Variants in ARVCF observed in about 807,000 individuals in gnomAD.
The protein encoded by ARVCF is ARVCF delta catenin family member.
Under a neutral mutation model 90.9 loss-of-function variants are expected in ARVCF, and 66 were observed. That is an observed-to-expected ratio of 0.73 (90% CI 0.60 to 0.89). ARVCF has a LOEUF of 0.89. ARVCF is among the 40% of genes least tolerant of loss of function. The pLI is 0.00. For missense variants in ARVCF, 1,469 were observed against 1,382.3 expected, an observed-to-expected ratio of 1.06 and a Z score of -1.00; for synonymous variants, 653 against 603.4, an observed-to-expected ratio of 1.08 and a Z score of -1.21.
chr22:19,987,298 G>T (rs554802388), intron 3 of ARVCF: 90 of 264,384 alleles, frequency 3.4e-4, no homozygotes, highest in African/African-American at 2.0e-3. Flanking sequence ...GGCGTGGCGG[G>T]CGGGGGGCGG....
Position 19,979,007 on chromosome 22 carries a change from G to C in ARVCF, c.1470C>G (p.Thr490=). Residue 490 remains threonine (T), a synonymous_variant, in exon 7 of 20, where the codon ACC becomes ACG. Transcript: ENST00000263207. ...VIIDHGLQTL[T]HEVIVPHSGW... ...CTGAGTGGGGCACGATCACCTCGTG[G>C]GTCAGCGTCTGCAGGCCATGGTCAA... 6.2e-7 allele frequency: 1 copy of C among 1,613,382 alleles called. No individual in the cohort carries two copies. The highest frequency in any genetic ancestry group is 8.5e-7 in the Non-Finnish European group (1 of 1,179,936).
chr22:19,999,978 C>T (rs896491371), intron 2 of ARVCF, among the ~76,000 whole-genome samples: 8 of 152,308 alleles, frequency 5.3e-5, no homozygotes, highest in Admixed American at 3.3e-4. Context: ...AGGGGCAGAA[C>T]GAGGACCCAG....
At chr22:19,992,174 C>T (rs1291383815) in intron 2 of ARVCF, among the ~76,000 whole-genome samples, 2 of 152,236 alleles carry the variant, frequency 1.3e-5, no homozygotes, top group African/African-American at 4.8e-5. Context: ...GCTGGGAAAA[C>T]AGGCCCAGCA....
chr22:19,973,341 G>A, intron 13 of ARVCF, 24 bp from the exon 14 acceptor site: 1 of 1,568,338 alleles, frequency 6.4e-7, no homozygotes, highest in Non-Finnish European at 8.6e-7. Flanking sequence ...CTAGGTGTCA[G>A]AACACACCTC....
chr22:19,982,474 G>A (rs570915478), intron 3 of ARVCF, among the ~76,000 whole-genome samples: 1 of 152,242 alleles, frequency 6.6e-6, no homozygotes, highest in South Asian at 2.1e-4. Context: ...CCCAGGAGGT[G>A]CCAGTGAGAC....
chr22:20,011,497 C>T (rs1012929415), intron 1 of ARVCF, among the ~76,000 whole-genome samples: 2 of 152,084 alleles, frequency 1.3e-5, no homozygotes, highest in African/African-American at 2.4e-5. Flanking sequence ...CCCCGTCTCA[C>T]GACAGCCTCT....
chr22:19,989,496 GA>G (rs1569177455), intron 3 of ARVCF, among the ~76,000 whole-genome samples: 1 of 152,166 alleles, frequency 6.6e-6, no homozygotes, highest in African/African-American at 2.4e-5. Context: ...CAGGTGAGGA[GA>G]GCCCATGGGG....
At chr22:19,978,511 G>T (rs947293820) in intron 7 of ARVCF, among the ~76,000 whole-genome samples, 1 of 152,176 alleles carries the variant, frequency 6.6e-6, no homozygotes, top group South Asian at 2.1e-4. Context: ...GGGGACCCAG[G>T]ACTCTGTGGG....
chr22:19,972,722 A>C lies in ARVCF; in HGVS notation c.2641+15T>G. The C allele has an allele frequency of 1.3e-6, 2 of 1,598,862 alleles. No individual in the cohort carries two copies. The highest frequency in any genetic ancestry group is 1.7e-6 in the Non-Finnish European group (2 of 1,172,916). On this transcript the variant is annotated intron_variant, in intron 16 of 19. Transcript: ENST00000263207. ...GGGTCGCCACCCTCTAGGCTCCCTA[A>C]GCTCCACCACTCACCAAGGCTCTTG...
At chr22:20,002,732 C>T (rs1944488937) in intron 2 of ARVCF, among the ~76,000 whole-genome samples, 1 of 152,186 alleles carries the variant, frequency 6.6e-6, no homozygotes, top group South Asian at 2.1e-4. Flanking sequence ...GCCACCACCA[C>T]AAGTTTGTGA....
chr22:19,975,712 A>G lies in ARVCF; in HGVS notation c.1934T>C (p.Leu645Pro), dbSNP rs1360993836. 39 of 1,613,524 alleles carry G rather than the reference A, an allele frequency of 2.4e-5. No individual in the cohort carries two copies. Among genetic ancestry groups the G allele is most frequent in the Admixed American group, 3.3e-5 (2 of 59,992 alleles). ...TTTGGCGGCCTCAGTTCGCTTGGGC[A>G]GGTCTAGCGTGTCAAAGTTCCGGTC... ...EMDRNFDTLD[L>P]PKRTEAAKGF... Residue 645 changes from leucine (L) to proline (P), a missense_variant, in exon 11 of 20, where the codon CTG (leucine) becomes CCG (proline). Coordinates refer to ENST00000263207, the MANE Select transcript of ARVCF (RefSeq NM_001670.3).
intron 3 of ARVCF, among the ~76,000 whole-genome samples, chr22:19,983,113 C>A (rs190863849): frequency 3.5e-4 from 54 of 152,362 alleles, no homozygotes; most frequent in Non-Finnish European, 7.1e-4. Context: ...GGCCCCAGGG[C>A]CACATGGCAC....
At chr22:19,972,452 AG>A in intron 16 of ARVCF, 41 bp from the exon 17 acceptor site, 2 of 1,609,658 alleles carry the variant, frequency 1.2e-6, no homozygotes, top group Non-Finnish European at 1.7e-6. Context: ...TGTGGCAGCC[AG>A]GGGGGATCGG....
chr22:19,972,479 A>C, intron 16 of ARVCF, 68 bp from the exon 17 acceptor site: 1 of 1,592,468 alleles, frequency 6.3e-7, no homozygotes, highest in Non-Finnish European at 8.6e-7. Flanking sequence ...AGAAGCCCAC[A>C]CAGGGCTGGC....
At chr22:19,967,251 G>A (rs762949433), downstream of ARVCF, 158 of 1,290,788 alleles carry the variant, frequency 1.2e-4, no homozygotes, top group Non-Finnish European at 1.4e-4. Context: ...GGCGCAACCC[G>A]AGAAGTCCAG....
intron 2 of ARVCF, among the ~76,000 whole-genome samples, chr22:20,006,659 G>A (rs1331930796): frequency 6.7e-6 from 1 of 150,312 alleles, no homozygotes; most frequent in Non-Finnish European, 1.5e-5. Context: ...TTGAGACGGA[G>A]TCTTGCCCTG....
rs757434673 is a variant in ARVCF, at chr22:19,973,105, C to T, written c.2438+14G>A. On this transcript the variant is annotated intron_variant, in intron 14 of 19. Transcript: ENST00000263207. The stretch of plus-strand genomic sequence containing the variant: ...TCCGCGGCTCCCCAAGCCACCGACC[C>T]CGCCCCTCCACACCTGGAGGCCACG... 9.4e-6 allele frequency: 15 copies of T among 1,602,210 alleles called. No individual in the cohort carries two copies. The highest frequency in any genetic ancestry group is 1.3e-5 in the African/African-American group (1 of 74,462).
At chr22:19,988,907 C>A (rs992333920) in intron 3 of ARVCF, among the ~76,000 whole-genome samples, 1 of 152,146 alleles carries the variant, frequency 6.6e-6, no homozygotes, top group African/African-American at 2.4e-5. Context: ...GGGGCAGTAG[C>A]CTGAGGTCTT....
At chr22:19,986,006 G>A (rs928686572) in intron 3 of ARVCF, among the ~76,000 whole-genome samples, 18 of 152,382 alleles carry the variant, frequency 1.2e-4, no homozygotes, top group African/African-American at 4.3e-4. Context: ...TTCCCTTGGT[G>A]CCACAGCCTC....
Sources: allele counts gnomAD v4.1 joint callset (sites outside exome capture counted in the v4.1 genomes callset), GRCh38; gene constraint gnomAD v4.1.1; transcripts MANE v1.5; gene names NCBI Gene and HGNC (gene_info 2026-07-23, HGNC 2026-07-21).